GRID2IP: variants seen among roughly 807,000 people sequenced by gnomAD.
The protein encoded by GRID2IP is delphilin.
A neutral mutation model predicts 114.3 loss-of-function variants in GRID2IP; 78 were observed. The ratio of observed to expected loss-of-function variants is 0.68; its 90% confidence interval spans 0.57 to 0.82. GRID2IP has a LOEUF of 0.82. Ranked by LOEUF, GRID2IP falls within the 40% of genes least tolerant of loss-of-function variation. The pLI, the probability that GRID2IP is intolerant of heterozygous loss-of-function variation, is 0.00. For synonymous variants in GRID2IP, 809 were observed against 724.0 expected, an observed-to-expected ratio of 1.12 and a Z score of -1.89; for missense variants, 1,727 against 1,678.5, an observed-to-expected ratio of 1.03 and a Z score of -0.51.
Position 6,507,906 on chromosome 7 carries a change from C to A in GRID2IP, c.2544+79G>T. On this transcript the variant is annotated intron_variant, in intron 13 of 21. Coordinates refer to ENST00000457091, the MANE Select transcript of GRID2IP (RefSeq NM_001145118.2). The surrounding 1 kb of genome is among the most constrained non-coding windows in gnomAD (Gnocchi z 5.3). ...GAGGATGATGTTGGAAGATGCCTGG[C>A]CGATGGGTTTTCCTTCAGTGCTGCT... 6.6e-7 allele frequency: 1 copy of A among 1,516,318 alleles called. No individual in the cohort carries two copies. Among genetic ancestry groups the A allele is most frequent in the East Asian group, 2.5e-5 (1 of 40,496 alleles). The allele number at this position is 1,516,318 out of a possible 1,614,324, so 93.9% of individuals were successfully genotyped here.
rs1010547733 is a variant in GRID2IP, at chr7:6,497,549, C to T, written c.*225G>A. The T allele has an allele frequency of 2.1e-6, 1 of 465,798 alleles. No homozygotes were observed. Among genetic ancestry groups the T allele is most frequent in the African/African-American group, 2.0e-5 (1 of 49,198 alleles). 28.9% of individuals were successfully genotyped at this position (465,798 alleles called of 1,614,324 possible). A position where few individuals can be genotyped will look rare whatever the true frequency, so the allele number is the denominator to read the frequency against. ...GAGCACGGTCCTCCATGTGCAGGCA[C>T]ACTCAGCACCTGCTCCTACAGCATC... On this transcript the variant is annotated 3_prime_UTR_variant, in exon 22 of 22. Coordinates refer to ENST00000457091, the MANE Select transcript of GRID2IP (RefSeq NM_001145118.2).
chr7:6,547,611 C>T (rs560410681), intron 1 of GRID2IP, among the ~76,000 whole-genome samples: 1 of 152,210 alleles, frequency 6.6e-6, no homozygotes, highest in Admixed American at 6.5e-5. Context: ...GTTGTGGGTA[C>T]AGGAAGAAAG....
chr7:6,551,284 CT>C lies in GRID2IP; in HGVS notation c.152del (p.Glu51GlyfsTer10). 6.5e-7 allele frequency: 1 copy of C among 1,540,934 alleles called. No homozygotes were observed. On this transcript the variant is annotated frameshift_variant, in exon 1 of 22. Coordinates refer to ENST00000457091, the MANE Select transcript of GRID2IP (RefSeq NM_001145118.2). LOFTEE classifies it high-confidence loss of function. ...GACCGCCCACCGCCAGCCCCTCCAC[CT>C]CCAGGATCTGGTCTCCTGGCCGCAG... ...GGLRPGDQIL[E>X]VEGLAVGGLS... is the part of the protein sequence containing the mutation.
At position 6,510,982 on chromosome 7, in the gene GRID2IP, C is replaced by T. The variant is rs760171894; in HGVS notation, c.1481G>A (p.Arg494Gln). The change falls in exon 9 of 22, where the codon CGG becomes CAG. Residue 494 changes from arginine to glutamine, a missense_variant. Physicochemically the swap from Arg to Gln is conservative, Grantham distance 43. Transcript: ENST00000457091. Reference sequence around the variant, plus strand: ...CATGGAGGAAGCCCGCAGGGAGCTCCGCGGCTGGGGCTCAGGCGTGGGCTC... The same window carrying T: ...CATGGAGGAAGCCCGCAGGGAGCTCTGCGGCTGGGGCTCAGGCGTGGGCTC... ...ESEPTPEPQP[R>Q]SSLRASSMCR... is the part of the protein sequence containing the mutation. The T allele has an allele frequency of 1.8e-5, 28 of 1,542,098 alleles. No homozygotes were observed. The highest frequency in any genetic ancestry group is 1.3e-4 in the East Asian group (5 of 39,468).
chr7:6,538,628 C>T (rs1030026248), intron 2 of GRID2IP, among the ~76,000 whole-genome samples: 4 of 151,962 alleles, frequency 2.6e-5, no homozygotes, highest in African/African-American at 9.7e-5. Context: ...CTGTAATCCA[C>T]ACACTTTGGG....
chr7:6,517,222 T>C (rs1165850516), intron 7 of GRID2IP, among the ~76,000 whole-genome samples: 3 of 126,270 alleles, frequency 2.4e-5, no homozygotes, highest in African/African-American at 7.7e-5. Context: ...GCCCGGCTAT[T>C]TTTTTTTTGT....
chr7:6,517,299 T>C (rs4724815), intron 7 of GRID2IP, among the ~76,000 whole-genome samples: 151,666 of 151,714 alleles, frequency 1, 75,809 homozygotes, highest in Middle Eastern at 1. Flanking sequence ...CCTCGTGATC[T>C]GCCCATCTCA....
At chr7:6,497,886 C>G in intron 21 of GRID2IP, 41 bp from the exon 22 acceptor site, 1 of 1,517,196 alleles carries the variant, frequency 6.6e-7, no homozygotes, top group Non-Finnish European at 8.9e-7. Context: ...TCAGTGGTCC[C>G]AGGAACCTGT....
At chr7:6,510,450 C>T (rs1396865622) in intron 10 of GRID2IP, 50 bp from the exon 11 acceptor site, 2 of 1,420,624 alleles carry the variant, frequency 1.4e-6, no homozygotes, top group Admixed American at 2.7e-5. Flanking sequence ...CCCTCGTAGC[C>T]CTAATGTGGT....
Position 6,505,904 on chromosome 7 carries a change from C to G in GRID2IP, c.2548G>C (p.Gly850Arg), listed in dbSNP as rs530515112. Reference sequence around the variant, plus strand: ...AGCTTATCGTAGTCAGAGTCTTCCCCGAGCTGCGAGGGAGGATGGGAGGTT... The same window carrying G: ...AGCTTATCGTAGTCAGAGTCTTCCCGGAGCTGCGAGGGAGGATGGGAGGTT... ...NSEGTIWGQLGEDSDYDKLSD... is the reference protein window; with the variant it reads ...NSEGTIWGQLREDSDYDKLSD... Residue 850 changes from glycine (G) to arginine (R), a missense_variant, in exon 14 of 22, where the codon GGG becomes CGG. Transcript: ENST00000457091. 1.3e-6 allele frequency: 2 copies of G among 1,550,202 alleles called. No individual in the cohort carries two copies. The highest frequency in any genetic ancestry group is 1.4e-5 in the African/African-American group (1 of 73,008).
At chr7:6,529,326 C>T (rs532905090) in intron 2 of GRID2IP, among the ~76,000 whole-genome samples, 5 of 152,140 alleles carry the variant, frequency 3.3e-5, no homozygotes, top group Non-Finnish European at 7.3e-5. Flanking sequence ...TAGTGCACTC[C>T]TGTAATCCCA....
At chr7:6,545,428 G>C (rs556419758) in intron 1 of GRID2IP, among the ~76,000 whole-genome samples, 1 of 152,110 alleles carries the variant, frequency 6.6e-6, no homozygotes, top group African/African-American at 2.4e-5. Context: ...GGCTCTCCAC[G>C]ACCCAGCTCT....
intron 8 of GRID2IP, among the ~76,000 whole-genome samples, chr7:6,511,898 T>C (rs1015353666): frequency 1.3e-5 from 2 of 151,850 alleles, no homozygotes; most frequent in African/African-American, 2.4e-5. Context: ...TCTCTCTCTC[T>C]GTCTCTTTCT....
In GRID2IP at chr7:6,526,590, G is replaced by C; in HGVS notation, c.764C>G (p.Pro255Arg). 2 of 1,194,262 alleles carry C rather than the reference G, an allele frequency of 1.7e-6. No homozygotes were observed. The highest frequency in any genetic ancestry group is 2.1e-6 in the Non-Finnish European group (2 of 964,872). The allele number at this position is 1,194,262 out of a possible 1,614,324, so 74.0% of individuals were successfully genotyped here. The change falls in exon 3 of 22, where the codon CCC becomes CGC. Residue 255 changes from proline (P) to arginine (R), a missense_variant. Coordinates refer to ENST00000457091, the MANE Select transcript of GRID2IP (RefSeq NM_001145118.2). The surrounding 1 kb of genome is among the most constrained non-coding windows in gnomAD (Gnocchi z 7.6). ...GGCCCTGCGCGGGGGCGGCTCATCGGGGCGGCGCGGCGGGGCGCTGGCGCG... is the reference window on the plus strand; with the variant it reads ...GGCCCTGCGCGGGGGCGGCTCATCGCGGCGGCGCGGCGGGGCGCTGGCGCG... ...STRASAPPRR[P>R]DEPPPRRASL... is the part of the protein sequence containing the mutation.
chr7:6,508,327 A>G lies in GRID2IP; in HGVS notation c.2202T>C (p.Ser734=), dbSNP rs1324024845. ...RSSASDCISS[S]EEGSSLTYSS... ...AGTAGGTCAGGGAGCTGCCTTCTTC[A>G]CTGCTGCTGATGCAGTCGCTGGCGC... is the stretch of plus-strand genomic sequence containing the variant. The change falls in exon 13 of 22, where the codon AGT becomes AGC. Residue 734 remains serine (S), a synonymous_variant. Transcript: ENST00000457091. This position sits in a 1 kb window ranked among gnomAD's most constrained non-coding sequence, Gnocchi z 5.6. 2 of 1,551,288 alleles carry G rather than the reference A, an allele frequency of 1.3e-6. No homozygotes were observed. Among genetic ancestry groups the G allele is most frequent in the Non-Finnish European group, 1.7e-6 (2 of 1,147,042 alleles).
At chr7:6,517,397 C>T (rs979823605) in intron 7 of GRID2IP, among the ~76,000 whole-genome samples, 3 of 151,970 alleles carry the variant, frequency 2.0e-5, no homozygotes, top group Non-Finnish European at 2.9e-5. Flanking sequence ...TCTCCGCACA[C>T]GAAGAGAAAA....
In GRID2IP at chr7:6,506,700, T is replaced by A. The variant is rs201230347; in HGVS notation, c.2545-793A>T. 2.3e-3 allele frequency among the ~76,000 whole-genome samples: 340 copies of A among 147,526 alleles called. 1 individual carries two copies. The highest frequency in any genetic ancestry group is 7.1e-3 in the Middle Eastern group (2 of 282). The stretch of plus-strand genomic sequence containing the variant: ...TGAGGTATTTTTTTTTTTTTTTTTT[T>A]AGATAGGGTCTCACTCTGTACCCCA... On this transcript the variant is annotated intron_variant, in intron 13 of 21. Coordinates refer to ENST00000457091, the MANE Select transcript of GRID2IP (RefSeq NM_001145118.2). This position sits in a 1 kb window ranked among gnomAD's most constrained non-coding sequence, Gnocchi z 5.2.
Position 6,497,784 on chromosome 7 carries a change from AGGG to A in GRID2IP, c.3623_3625del (p.Pro1208del). ...GCGGTGTGGCCACTGTCACCAGGCC[AGGG>A]GTGAAACCATCCCGGAGCTGCGCAG... On this transcript the variant is annotated inframe_deletion, in exon 22 of 22. Coordinates refer to ENST00000457091, the MANE Select transcript of GRID2IP (RefSeq NM_001145118.2). 6.5e-7 allele frequency: 1 copy of A among 1,549,896 alleles called. No individual in the cohort carries two copies. The highest frequency in any genetic ancestry group is 1.2e-5 in the South Asian group (1 of 83,998).
Position 6,518,918 on chromosome 7 carries a change from T to G in GRID2IP, c.1268+1660A>C, listed in dbSNP as rs12702521. On this transcript the variant is annotated intron_variant, in intron 7 of 21. Transcript: ENST00000457091. ...CATGATATCAAGCACAGTTTTTTTT[T>G]GTTTTTTTGTTTTTTTTTGAGACGA... Among the ~76,000 whole-genome samples the G allele has an allele frequency of 5.4e-3, 782 of 144,702 alleles. 5 individuals carry two copies. The highest frequency in any genetic ancestry group is 0.015 in the African/African-American group (583 of 39,056). 94.9% of individuals were successfully genotyped at this position (144,702 alleles called of 152,430 possible). A position where few individuals can be genotyped will look rare whatever the true frequency, so the allele number is the denominator to read the frequency against.
Sources: allele counts gnomAD v4.1 joint callset (sites outside exome capture counted in the v4.1 genomes callset), GRCh38; gene constraint gnomAD v4.1.1; non-coding constraint Gnocchi (gnomAD v3.1); transcripts MANE v1.5; gene names NCBI Gene and HGNC (gene_info 2026-07-23, HGNC 2026-07-21).